The following GRIP1 variants were observed in gnomAD, a reference collection of about 807,000 sequenced individuals.
GRIP1 encodes glutamate receptor-interacting protein 1.
In GRIP1, 45 loss-of-function variants were observed where a neutral mutation model predicts 129.9. The ratio of observed to expected loss-of-function variants is 0.35; its 90% CI spans 0.27 to 0.44. The LOEUF is 0.44. Ranked by LOEUF, GRIP1 falls within the 20% of genes least tolerant of loss-of-function variation. The probability of loss-of-function intolerance (pLI) is 1.00; values close to 1 mark genes in which losing one functional copy is unlikely to be tolerated. For synonymous variants in GRIP1, 530 were observed against 520.8 expected (o/e 1.02, Z -0.24); for missense variants, 1,196 against 1,396.8 (o/e 0.86, Z 2.29).
intron 1 of GRIP1, among the ~76,000 whole-genome samples, chr12:67,022,501 G>C (rs1208483773): frequency 6.6e-6 from 1 of 152,098 alleles, no homozygotes; most frequent in Non-Finnish European, 1.5e-5. Context: ...AACTATTCCA[G>C]AAACTACTAT....
intron 15 of GRIP1, 39 bp downstream of exon 15, chr12:66,420,681 A>T (rs1565721087): frequency 9.3e-7 from 1 of 1,070,694 alleles, no homozygotes; most frequent in South Asian, 1.2e-5. Flanking sequence ...TTAAATTAAG[A>T]GAGGCCTTAA....
At chr12:67,009,805 C>A (rs1028045641) in intron 1 of GRIP1, among the ~76,000 whole-genome samples, 6 of 152,156 alleles carry the variant, frequency 3.9e-5, no homozygotes, top group African/African-American at 1.2e-4. Context: ...CCAATAGCTA[C>A]CCTCTTTAAG....
At chr12:66,484,794 A>G (rs1787027966) in intron 7 of GRIP1, among the ~76,000 whole-genome samples, 1 of 152,138 alleles carries the variant, frequency 6.6e-6, no homozygotes, top group Non-Finnish European at 1.5e-5. Context: ...CCAACACTTT[A>G]TTGTCTATTT....
chr12:66,937,778 G>A (rs1384601967), intron 1 of GRIP1, among the ~76,000 whole-genome samples: 1 of 152,090 alleles, frequency 6.6e-6, no homozygotes, highest in East Asian at 1.9e-4. Flanking sequence ...GCAGAGAAAG[G>A]GGCAGTTGAT....
At position 66,785,343 on chromosome 12, in the gene GRIP1, C is replaced by CATACATACATATATATATATATATATAT. The variant is rs377630345; in HGVS notation, c.-420+18709_-420+18710insATATATATATATATATATATGTATGTAT. Among the ~76,000 whole-genome samples, 64 of 72,760 alleles carry CATACATACATATATATATATATATATAT rather than the reference C, an allele frequency of 8.8e-4. 1 individual carries two copies. The highest frequency in any genetic ancestry group is 3.0e-3 in the South Asian group (5 of 1,686). The allele number at this position is 72,760 out of a possible 152,430, so 47.7% of individuals were successfully genotyped here. On this transcript the variant is annotated intron_variant, in intron 1 of 4. Transcript: ENST00000538373. ...ACATACATACATACATACATACATA[C>CATACATACATATATATATATATATATAT]ATATATATATATATATATATTAGTT...
At chr12:66,978,549 CAAG>C (rs1012587017) in intron 1 of GRIP1, among the ~76,000 whole-genome samples, 3 of 152,126 alleles carry the variant, frequency 2.0e-5, no homozygotes, top group Admixed American at 6.6e-5. Flanking sequence ...ATATTTTTCC[CAAG>C]GAGGAAATGC....
chr12:66,766,620 A>T (rs545267838), intron 1 of GRIP1, among the ~76,000 whole-genome samples: 4 of 152,174 alleles, frequency 2.6e-5, no homozygotes, highest in African/African-American at 9.6e-5. Context: ...AACCAAACAC[A>T]CTCGGAAGAG....
rs568241374 is a variant in GRIP1 at position 66,578,446 on chromosome 12, G to C, written c.136+18401C>G. The stretch of plus-strand genomic sequence containing the variant: ...AGCGCACCGTGCGCGAGCCAAAGCA[G>C]GGCGAGGCATTGCCTCACTCGGGAA... On this transcript the variant is annotated intron_variant, in intron 2 of 24. Transcript: ENST00000359742. 1.2e-4 allele frequency among the ~76,000 whole-genome samples: 18 copies of C among 152,254 alleles called. No homozygotes were observed. The South Asian group carries it at 3.5e-3, about 30-fold the overall frequency.
intron 2 of GRIP1, among the ~76,000 whole-genome samples, chr12:66,569,443 C>T (rs370484976): frequency 1.3e-5 from 2 of 152,136 alleles, no homozygotes; most frequent in Admixed American, 6.5e-5. Context: ...CCCCACTACA[C>T]TCCAGCCTGG....
intron 1 of GRIP1, among the ~76,000 whole-genome samples, chr12:67,004,275 C>T (rs1190960645): frequency 6.6e-6 from 1 of 152,090 alleles, no homozygotes; most frequent in African/African-American, 2.4e-5. Flanking sequence ...AAGCACCAGC[C>T]GGTTACTCAC....
chr12:66,922,671 A>G (rs2041232452), intron 1 of GRIP1, among the ~76,000 whole-genome samples: 1 of 152,262 alleles, frequency 6.6e-6, no homozygotes, highest in African/African-American at 2.4e-5. Flanking sequence ...AGCAAAAGTC[A>G]TTGACAGGCT....
At chr12:66,893,138 G>A (rs963061880) in intron 1 of GRIP1, among the ~76,000 whole-genome samples, 3 of 151,852 alleles carry the variant, frequency 2.0e-5, no homozygotes, top group Non-Finnish European at 4.4e-5. Flanking sequence ...TTTTGAACAT[G>A]TTATATAAGT....
intron 1 of GRIP1, among the ~76,000 whole-genome samples, chr12:66,913,320 T>C (rs1456522397): frequency 3.3e-5 from 5 of 152,320 alleles, no homozygotes; most frequent in African/African-American, 9.6e-5. Context: ...TATTGGAGCA[T>C]TTTGCAAGAT....
intron 1 of GRIP1, among the ~76,000 whole-genome samples, chr12:66,965,717 T>C (rs1039073652): frequency 2.0e-5 from 3 of 152,234 alleles, no homozygotes; most frequent in Non-Finnish European, 2.9e-5. Context: ...CTTTTCATTA[T>C]GGATGCCCTT....
chr12:66,705,383 C>T (rs2035492961), intron 1 of GRIP1, among the ~76,000 whole-genome samples: 1 of 152,026 alleles, frequency 6.6e-6, no homozygotes, highest in African/African-American at 2.4e-5. Context: ...GAACTACAAA[C>T]CACTGCCCAA....
chr12:66,904,807 G>A (rs1006706172), intron 1 of GRIP1, among the ~76,000 whole-genome samples: 8 of 151,826 alleles, frequency 5.3e-5, no homozygotes, highest in East Asian at 1.9e-4. Flanking sequence ...CAGGAGAATC[G>A]CTTGAACCCA....
intron 2 of GRIP1, among the ~76,000 whole-genome samples, chr12:66,554,578 C>T (rs992394797): frequency 9.9e-5 from 15 of 152,092 alleles, no homozygotes; most frequent in Non-Finnish European, 1.6e-4. Context: ...GAGTAGAGCA[C>T]GAAGTGGGCC....
upstream of GRIP1, among the ~76,000 whole-genome samples, chr12:66,807,676 C>A (rs2039021327): frequency 6.6e-6 from 1 of 151,868 alleles, no homozygotes; most frequent in Non-Finnish European, 1.5e-5. Context: ...AGTGTGGCAC[C>A]TTCCCCCTCT....
At chr12:66,933,580 C>T (rs2137415855) in intron 1 of GRIP1, among the ~76,000 whole-genome samples, 1 of 152,152 alleles carries the variant, frequency 6.6e-6, no homozygotes, top group South Asian at 2.1e-4. Flanking sequence ...CTACTATATA[C>T]CAGGCATTTT....
Sources: allele counts gnomAD v4.1 joint callset (sites outside exome capture counted in the v4.1 genomes callset), GRCh38; gene constraint gnomAD v4.1.1; transcripts MANE v1.5; gene names NCBI Gene and HGNC (gene_info 2026-07-23, HGNC 2026-07-21).